The following LRP4 variants were observed in gnomAD, a reference collection of about 807,000 sequenced individuals.
LRP4 encodes the protein LDL receptor related protein 4.
A neutral mutation model predicts 220.3 loss-of-function variants in LRP4; 95 were observed. The ratio of observed to expected loss-of-function variants is 0.43; its 90% CI spans 0.37 to 0.51. The LOEUF is 0.51. Ranked by LOEUF, LRP4 falls within the 20% of genes least tolerant of loss-of-function variation. The probability of loss-of-function intolerance (pLI) is 0.00; values close to 1 mark genes in which losing one functional copy is unlikely to be tolerated. For missense variants in LRP4, 1,925 were observed against 2,567.0 expected (o/e 0.75, Z 5.40); for synonymous variants, 903 against 954.6 (o/e 0.95, Z 1.00).
chr11:46,903,313 G>A (rs1565803072), intron 1 of LRP4, among the ~76,000 whole-genome samples: 1 of 152,124 alleles, frequency 6.6e-6, no homozygotes, highest in African/African-American at 2.4e-5. Flanking sequence ...GGGCAACATA[G>A]TGAGACCTTG....
chr11:46,881,460 T>A (rs1941158868), intron 20 of LRP4, among the ~76,000 whole-genome samples: 1 of 152,148 alleles, frequency 6.6e-6, no homozygotes, highest in Non-Finnish European at 1.5e-5. Context: ...CAGCTCACAA[T>A]CCACACAAGT....
intron 32 of LRP4, 108 bp from the exon 33 acceptor site, chr11:46,868,821 G>A: frequency 8.1e-7 from 1 of 1,236,314 alleles, no homozygotes; most frequent in Non-Finnish European, 1.2e-6. Flanking sequence ...CCAGGGACAG[G>A]GGAGGAGGAG....
At chr11:46,912,083 A>G (rs939671696) in intron 1 of LRP4, among the ~76,000 whole-genome samples, 10 of 152,114 alleles carry the variant, frequency 6.6e-5, no homozygotes, top group Non-Finnish European at 1.0e-4. Flanking sequence ...CGAACTCCTG[A>G]CGTCAAGTGA....
chr11:46,896,172 C>T lies in LRP4; in HGVS notation c.1048+38G>A, dbSNP rs1367308778. On this transcript the variant is annotated intron_variant, in intron 9 of 37. Coordinates refer to ENST00000378623, the MANE Select transcript of LRP4 (RefSeq NM_002334.4). ...GAACCCTATGGGTGGGGTTCGGCCA[C>T]AAACCATGGGCCAGGTCCGCCCACT... The T allele has an allele frequency of 3.7e-6, 6 of 1,611,916 alleles. No homozygotes were observed. The East Asian group carries it at 1.3e-4, about 36-fold the overall frequency.
intron 16 of LRP4, among the ~76,000 whole-genome samples, chr11:46,888,569 A>AAAAAAAAAAAAAAAAAAAC (rs1941351667): frequency 6.6e-6 from 1 of 150,452 alleles, no homozygotes. Flanking sequence ...AAAAAAAAAA[A>AAAAAAAAAAAAAAAAAAAC]AAAAGAATGC....
chr11:46,884,039 G>T, intron 18 of LRP4, 63 bp from the exon 19 acceptor site: 2 of 1,301,044 alleles, frequency 1.5e-6, no homozygotes, highest in South Asian at 1.2e-5. Flanking sequence ...ACCTTCCATG[G>T]CCAACACAAG....
Position 46,886,390 on chromosome 11 carries a change from C to T in LRP4, c.2359G>A (p.Val787Met), listed in dbSNP as rs368412829. 3.7e-6 allele frequency: 6 copies of T among 1,611,144 alleles called. No homozygotes were observed. Among genetic ancestry groups the T allele is most frequent in the South Asian group, 1.1e-5 (1 of 90,462 alleles). ...ALDWDSRDDHVYWTDVSTDTI... is the reference protein window; with the variant it reads ...ALDWDSRDDHMYWTDVSTDTI... ...TCAGTGCTGACATCTGTCCAGTACA[C>T]GTGGTCATCCCGGGAGTCCCAGTCA... is the stretch of plus-strand genomic sequence containing the variant. The change falls in exon 17 of 38, where the codon GTG becomes ATG. Residue 787 changes from valine to methionine, a missense_variant. Physicochemically the swap from Val to Met is conservative, Grantham distance 21. Coordinates refer to ENST00000378623, the MANE Select transcript of LRP4 (RefSeq NM_002334.4).
rs756641717 is a variant in LRP4, at chr11:46,875,516, C to T, written c.3865G>A (p.Val1289Met). ...DKGTGSNVIL[V>M]RSNLPGLMDM... Reference sequence around the variant, plus strand: ...ATGAGGCCTGGCAGGTTGGACCTCACGAGGATGACATTGCTGCCAGTACCC... The same window carrying T: ...ATGAGGCCTGGCAGGTTGGACCTCATGAGGATGACATTGCTGCCAGTACCC... Residue 1289 changes from valine to methionine, a missense_variant, in exon 27 of 38, where the codon GTG (valine) becomes ATG (methionine). Around this residue, in one of 3 missense-constraint regions of LRP4, gnomAD observed 1,244 missense variants for 1,624.9 expected, o/e 0.77. Transcript: ENST00000378623. The surrounding 1 kb of genome is among the most constrained non-coding windows in gnomAD (Gnocchi z 4.5). The T allele has an allele frequency of 1.3e-5, 21 of 1,613,996 alleles. No individual in the cohort carries two copies. The highest frequency in any genetic ancestry group is 4.4e-5 in the South Asian group (4 of 91,080).
At chr11:46,878,410 G>C (rs1941069572) in intron 22 of LRP4, among the ~76,000 whole-genome samples, 1 of 150,722 alleles carries the variant, frequency 6.6e-6, no homozygotes. Context: ...CTCCCAAGTA[G>C]CTGGGATTAC....
At position 46,902,788 on chromosome 11, in the gene LRP4, C is replaced by T; in HGVS notation, c.194G>A (p.Gly65Glu). The T allele has an allele frequency of 6.2e-7, 1 of 1,614,092 alleles. No homozygotes were observed. Among genetic ancestry groups the T allele is most frequent in the Non-Finnish European group, 8.5e-7 (1 of 1,180,044 alleles). The change falls in exon 2 of 38, where the codon GGA (glycine) becomes GAA (glutamate). Residue 65 changes from glycine (G) to glutamate (E), a missense_variant. By Grantham distance (98) the Gly-to-Glu change is moderately conservative. This residue lies in a region of LRP4 where 412 missense variants were observed against 505.4 expected (regional missense o/e 0.82). Coordinates refer to ENST00000378623, the MANE Select transcript of LRP4 (RefSeq NM_002334.4). ...GCCTCTGGGGAGGTACTTACTACAT[C>T]CATCCTCATCGCTGTGGTCCCCGCA... ...NDCGDHSDEDGCILPTCSPLD... is the reference protein window; with the variant it reads ...NDCGDHSDEDECILPTCSPLD...
At chr11:46,891,209 A>G (rs1157864193) in intron 13 of LRP4, among the ~76,000 whole-genome samples, 1 of 151,766 alleles carries the variant, frequency 6.6e-6, no homozygotes, top group East Asian at 1.9e-4. Flanking sequence ...CACCTCCTGG[A>G]CCCAAGTGAT....
In LRP4 at chr11:46,862,663, C is replaced by T. The variant is rs764488189; in HGVS notation, c.5328G>A (p.Val1776=). The T allele has an allele frequency of 1.2e-6, 2 of 1,614,092 alleles. No homozygotes were observed. Among genetic ancestry groups the T allele is most frequent in the Non-Finnish European group, 1.7e-6 (2 of 1,179,964 alleles). The change falls in exon 37 of 38, where the codon GTG becomes GTA. Residue 1776 remains valine (V), a synonymous_variant. Coordinates refer to ENST00000378623, the MANE Select transcript of LRP4 (RefSeq NM_002334.4). ...CTGGTTTGGGGATTGCTTCAATCTT[C>T]ACTTCCTGTGTGGATGTTCGGTAGG... The part of the protein sequence containing the change: ...NPSYRTSTQE[V]KIEAIPKPAM...
intron 12 of LRP4, among the ~76,000 whole-genome samples, 193 bp from the exon 13 acceptor site, chr11:46,893,322 T>C (rs1211567106): frequency 6.6e-6 from 1 of 152,300 alleles, no homozygotes; most frequent in Non-Finnish European, 1.5e-5. Context: ...GATGAGGAAA[T>C]TGAGGCACAA....
rs181462134 is a variant in LRP4, at chr11:46,916,715, T to C, written c.52+1613A>G. Among the ~76,000 whole-genome samples the C allele has an allele frequency of 2.6e-4, 39 of 152,048 alleles. 1 individual carries two copies. In the South Asian group the frequency reaches 2.7e-3, roughly 11 times the overall value. On this transcript the variant is annotated intron_variant, in intron 1 of 37. Coordinates refer to ENST00000378623, the MANE Select transcript of LRP4 (RefSeq NM_002334.4). ...TTTTAACCCTAATTTTTTTTTTTTTTCCCAGTGCCTTGCCATTTCCCTTGA... is the reference window on the plus strand; with the variant it reads ...TTTTAACCCTAATTTTTTTTTTTTTCCCCAGTGCCTTGCCATTTCCCTTGA...
chr11:46,901,556 C>T (rs61382645), intron 2 of LRP4, among the ~76,000 whole-genome samples: 20,300 of 152,046 alleles, frequency 0.13, 1,897 homozygotes, highest in African/African-American at 0.27. Flanking sequence ...GTTGTACCTC[C>T]GTTCCCATTA....
intron 1 of LRP4, among the ~76,000 whole-genome samples, chr11:46,903,785 C>T (rs909255692): frequency 2.0e-5 from 3 of 152,192 alleles, no homozygotes; most frequent in Non-Finnish European, 4.4e-5. Context: ...CTGAGTCCCC[C>T]AGGCCACCTC....
chr11:46,900,947 C>T (rs1332193987), intron 2 of LRP4, among the ~76,000 whole-genome samples: 13 of 151,950 alleles, frequency 8.6e-5, no homozygotes, highest in Non-Finnish European at 1.0e-4. Flanking sequence ...CTGCCACACC[C>T]AGCTATCTTT....
chr11:46,872,332 A>C (rs1489834968), intron 30 of LRP4, among the ~76,000 whole-genome samples: 1 of 152,166 alleles, frequency 6.6e-6, no homozygotes, highest in Non-Finnish European at 1.5e-5. Flanking sequence ...GCATTCTACC[A>C]CCTTTCCAGA....
chr11:46,895,133 C>T (rs1246010686), intron 11 of LRP4, 33 bp downstream of exon 11: 1 of 1,612,952 alleles, frequency 6.2e-7, no homozygotes, highest in Non-Finnish European at 8.5e-7. Flanking sequence ...GCTCGGCCCT[C>T]TGCCCACCCA....
Sources: allele counts gnomAD v4.1 joint callset (sites outside exome capture counted in the v4.1 genomes callset), GRCh38; gene constraint gnomAD v4.1.1; regional missense constraint gnomAD v4.1.1; non-coding constraint Gnocchi (gnomAD v3.1); transcripts MANE v1.5; gene names NCBI Gene and HGNC (gene_info 2026-07-23, HGNC 2026-07-21).